The following RPGRIP1L variants were observed in gnomAD, a reference collection of about 807,000 sequenced individuals.
RPGRIP1L encodes the protein protein fantom.
RPGRIP1L carries 131 observed loss-of-function variants against 160.4 expected under a neutral mutation model. That is an observed-to-expected ratio of 0.82 (90% CI 0.71 to 0.94). RPGRIP1L has a LOEUF of 0.94. RPGRIP1L is among the 40% of genes least tolerant of loss of function. The pLI is 0.00. For missense variants in RPGRIP1L, 1,522 were observed against 1,535.8 expected, an observed-to-expected ratio of 0.99 and a Z score of 0.15; for synonymous variants, 510 against 515.8, an observed-to-expected ratio of 0.99 and a Z score of 0.15.
At chr16:53,648,912 ATAT>A (rs1311296583) in intron 16 of RPGRIP1L, 49 bp downstream of exon 16, 17 of 1,495,922 alleles carry the variant, frequency 1.1e-5, no homozygotes, top group Middle Eastern at 1.7e-4. Flanking sequence ...ACATAAATAA[ATAT>A]TATAAAATTT....
chr16:53,680,155 A>C (rs1227075389), intron 6 of RPGRIP1L, among the ~76,000 whole-genome samples: 2 of 152,204 alleles, frequency 1.3e-5, no homozygotes, highest in African/African-American at 4.8e-5. Flanking sequence ...AGTCACTATC[A>C]AGGAAATATC....
intron 2 of RPGRIP1L, among the ~76,000 whole-genome samples, chr16:53,697,639 C>T (rs1970892455): frequency 6.6e-6 from 1 of 152,228 alleles, no homozygotes. Context: ...GCCGGGATTG[C>T]AGACGGTGTC....
intron 2 of RPGRIP1L, among the ~76,000 whole-genome samples, chr16:53,698,263 A>T (rs1262796598): frequency 3.4e-5 from 5 of 148,590 alleles, no homozygotes; most frequent in Non-Finnish European, 7.4e-5. Context: ...CCCGTCCGGG[A>T]GGGAGGTGGG....
chr16:53,696,354 T>C (rs748179476), intron 2 of RPGRIP1L, 59 bp from the exon 3 acceptor site: 1 of 1,552,184 alleles, frequency 6.4e-7, no homozygotes, highest in Non-Finnish European at 8.9e-7. Flanking sequence ...CTAGAAACTC[T>C]TGATATTAAT....
chr16:53,688,165 G>A lies in RPGRIP1L; in HGVS notation c.530-200C>T, dbSNP rs62048362. On this transcript the variant is annotated intron_variant, in intron 4 of 26. Coordinates refer to ENST00000647211, the MANE Select transcript of RPGRIP1L (RefSeq NM_015272.5). ...AGTAGGCATTAAATAAAACACAGCA[G>A]CAAGTATTGCTCATTTTACAAATCT... is the stretch of plus-strand genomic sequence containing the variant. 0.059 allele frequency among the ~76,000 whole-genome samples: 8,917 copies of A among 152,006 alleles called. 450 individuals carry two copies. The highest frequency in any genetic ancestry group is 0.14 in the African/African-American group (5,752 of 41,490).
Position 53,677,013 on chromosome 16 carries a change from T to C in RPGRIP1L, c.777-1891A>G, listed in dbSNP as rs1454676413. ...TTACAGTAACACAATTAAATCTCTA[T>C]AATCCATTCGGGCACATAGGGTGAT... On this transcript the variant is annotated intron_variant, in intron 6 of 26. Coordinates refer to ENST00000647211, the MANE Select transcript of RPGRIP1L (RefSeq NM_015272.5). Among the ~76,000 whole-genome samples, 3 of 152,240 alleles carry C rather than the reference T, an allele frequency of 2.0e-5. No homozygotes were observed. In the East Asian group the frequency reaches 5.8e-4, roughly 29 times the overall value.
intron 14 of RPGRIP1L, among the ~76,000 whole-genome samples, chr16:53,654,936 C>T (rs1967119453): frequency 6.6e-6 from 1 of 152,226 alleles, no homozygotes; most frequent in Non-Finnish European, 1.5e-5. Flanking sequence ...TTGAGCTCTT[C>T]TGCCCAGATC....
At chr16:53,699,072 TTGATC>T (rs1971147791) in intron 2 of RPGRIP1L, among the ~76,000 whole-genome samples, 1 of 152,146 alleles carries the variant, frequency 6.6e-6, no homozygotes, top group Non-Finnish European at 1.5e-5. Context: ...TGGGATCCTG[TTGATC>T]TGTGACCTTA....
chr16:53,601,730 C>A lies in RPGRIP1L; in HGVS notation c.*346G>T, dbSNP rs1963385472. ...AGGTTTTCTAAGATTTATGCTTTTG[C>A]TTATTAAAAATAAAAATGGGAATTG... is the stretch of plus-strand genomic sequence containing the variant. On this transcript the variant is annotated 3_prime_UTR_variant, in exon 27 of 27. Transcript: ENST00000647211. 4.2e-6 allele frequency: 1 copy of A among 240,366 alleles called. No individual in the cohort carries two copies. The highest frequency in any genetic ancestry group is 8.3e-6 in the Non-Finnish European group (1 of 119,840). The allele number at this position is 240,366 out of a possible 1,614,324, so 14.9% of individuals were successfully genotyped here. A position where few individuals can be genotyped will look rare whatever the true frequency, so the allele number is the denominator to read the frequency against.
At chr16:53,702,839 C>T (rs923122762) in intron 1 of RPGRIP1L, among the ~76,000 whole-genome samples, 2 of 152,032 alleles carry the variant, frequency 1.3e-5, no homozygotes, top group African/African-American at 4.8e-5. Context: ...TAGCAACTGC[C>T]TCTATCTGAA....
intron 22 of RPGRIP1L, among the ~76,000 whole-genome samples, chr16:53,634,089 G>A (rs1408764253): frequency 6.6e-6 from 1 of 152,152 alleles, no homozygotes; most frequent in Non-Finnish European, 1.5e-5. Flanking sequence ...TTTAGTGAGG[G>A]CTGCTCTCTG....
chr16:53,670,763 A>G (rs1968647140), intron 9 of RPGRIP1L, among the ~76,000 whole-genome samples: 1 of 152,170 alleles, frequency 6.6e-6, no homozygotes, highest in Admixed American at 6.6e-5. Context: ...GAAAGAGACC[A>G]AAAGAGGTTC....
intron 10 of RPGRIP1L, among the ~76,000 whole-genome samples, chr16:53,663,105 G>C (rs1967942624): frequency 6.6e-6 from 1 of 151,832 alleles, no homozygotes; most frequent in African/African-American, 2.4e-5. Flanking sequence ...TGATTATTTT[G>C]CTAATATTTT....
chr16:53,624,711 T>C (rs1347385140), intron 22 of RPGRIP1L, among the ~76,000 whole-genome samples: 1 of 152,188 alleles, frequency 6.6e-6, no homozygotes, highest in Non-Finnish European at 1.5e-5. Flanking sequence ...TTTCTACTTT[T>C]CTGCATGTTT....
chr16:53,628,918 A>G (rs1370439726), intron 22 of RPGRIP1L: 1 of 152,126 alleles, frequency 6.6e-6, no homozygotes, highest in African/African-American at 2.4e-5. Flanking sequence ...CCCTAATATC[A>G]AATTAATCTC....
chr16:53,606,459 C>G (rs1036614339), intron 25 of RPGRIP1L, among the ~76,000 whole-genome samples: 1 of 152,184 alleles, frequency 6.6e-6, no homozygotes, highest in Admixed American at 6.5e-5. Context: ...ATCTACATCT[C>G]TGAGAAATCA....
At chr16:53,625,198 G>A (rs1235285431) in intron 22 of RPGRIP1L, among the ~76,000 whole-genome samples, 3 of 151,922 alleles carry the variant, frequency 2.0e-5, no homozygotes, top group Non-Finnish European at 4.4e-5. Context: ...CGTCTAGGAA[G>A]TGAGGAGCGT....
At chr16:53,658,578 C>G in intron 11 of RPGRIP1L, 114 bp from the exon 12 acceptor site, 1 of 931,636 alleles carries the variant, frequency 1.1e-6, no homozygotes, top group South Asian at 1.4e-5. Flanking sequence ...CATGAACTAA[C>G]AAACTAAGTC....
intron 24 of RPGRIP1L, among the ~76,000 whole-genome samples, chr16:53,617,073 C>CAAAAAAAAAAAAAAAAAAAAAAAAAAAAA (rs397945611): frequency 6.0e-4 from 13 of 21,848 alleles, no homozygotes; most frequent in East Asian, 2.2e-3. Flanking sequence ...CCTTGCATCA[C>CAAAAAAAAAAAAAAAAAAAAAAAAAAAAA]AAAAAAAAAA....
Sources: gnomAD v4.1 joint callset for allele counts (sites outside exome capture counted in the v4.1 genomes callset) on GRCh38, gnomAD v4.1.1 for gene constraint, MANE v1.5 for transcripts, NCBI Gene and HGNC (gene_info 2026-07-23, HGNC 2026-07-21) for gene names.